The following PGM2L1 variants were observed in gnomAD, a reference collection of about 807,000 sequenced individuals.
PGM2L1 encodes the protein phosphoglucomutase 2 like 1.
In PGM2L1, 35 loss-of-function variants were observed where a neutral mutation model predicts 73.4. The ratio of observed to expected loss-of-function variants is 0.48; its 90% CI spans 0.36 to 0.63. The LOEUF (loss-of-function observed/expected upper bound fraction) is 0.63, where lower values mean the gene tolerates loss of function less well. Among genes scored for constraint, PGM2L1 ranks in the 30% least tolerant of loss-of-function variants. The probability of loss-of-function intolerance (pLI) is 0.00; values close to 1 mark genes in which losing one functional copy is unlikely to be tolerated. For synonymous variants in PGM2L1, 225 were observed against 253.8 expected (o/e 0.89, Z 1.08); for missense variants, 570 against 742.0 (o/e 0.77, Z 2.69).
intron 4 of PGM2L1, among the ~76,000 whole-genome samples, chr11:74,369,263 A>G (rs1206660533): frequency 1.3e-5 from 2 of 152,192 alleles, no homozygotes; most frequent in Non-Finnish European, 2.9e-5. Context: ...TTCTCCCAAT[A>G]ATAGACCCAC....
chr11:74,364,220 T>A (rs1370035925), intron 5 of PGM2L1, among the ~76,000 whole-genome samples: 5 of 152,144 alleles, frequency 3.3e-5, no homozygotes, highest in Non-Finnish European at 5.9e-5. Flanking sequence ...TATTTCGAAA[T>A]AATAAGAGCT....
In PGM2L1 at chr11:74,374,311, G is replaced by A. The variant is rs564865077; in HGVS notation, c.279+104C>T. On this transcript the variant is annotated intron_variant, in intron 2 of 13. Coordinates refer to ENST00000298198, the MANE Select transcript of PGM2L1 (RefSeq NM_173582.6). ...GTTGGCCAGGATGATCTCGATCTCT[G>A]GACCTCGTGATCTGCCCGCCTCAGC... 210 of 945,476 alleles carry A rather than the reference G, an allele frequency of 2.2e-4. 1 individual carries two copies. The East Asian group carries it at 4.5e-3, about 20-fold the overall frequency. 58.6% of individuals were successfully genotyped at this position (945,476 alleles called of 1,614,324 possible).
At position 74,342,430 on chromosome 11, in the gene PGM2L1, A is replaced by G. The variant is rs764265700; in HGVS notation, c.1632+31T>C. 8 of 1,401,454 alleles carry G rather than the reference A, an allele frequency of 5.7e-6. No homozygotes were observed. The Admixed American group carries it at 2.1e-4, about 37-fold the overall frequency. 86.8% of individuals were successfully genotyped at this position (1,401,454 alleles called of 1,614,324 possible). On this transcript the variant is annotated intron_variant, in intron 12 of 13. Coordinates refer to ENST00000298198, the MANE Select transcript of PGM2L1 (RefSeq NM_173582.6). ...GGTGACATGAGCCATGAAATTTTCT[A>G]AATTGTTTGGAAAAAAAAAAAGGTA...
At chr11:74,369,536 A>C (rs1862718077) in intron 4 of PGM2L1, among the ~76,000 whole-genome samples, 2 of 152,316 alleles carry the variant, frequency 1.3e-5, no homozygotes, top group Admixed American at 6.5e-5. Context: ...TCCCAGAGGA[A>C]GTGACACCAA....
At chr11:74,376,755 C>G (rs1358847716) in intron 1 of PGM2L1, among the ~76,000 whole-genome samples, 1 of 151,986 alleles carries the variant, frequency 6.6e-6, no homozygotes, top group Non-Finnish European at 1.5e-5. Context: ...ACAACCAGTA[C>G]TAACCTAATT....
At chr11:74,387,203 C>G (rs1287003333) in intron 1 of PGM2L1, among the ~76,000 whole-genome samples, 2 of 152,122 alleles carry the variant, frequency 1.3e-5, no homozygotes, top group Non-Finnish European at 2.9e-5. Flanking sequence ...ATTAATCAGC[C>G]AAGAATCAGC....
intron 3 of PGM2L1, 57 bp from the exon 4 acceptor site, chr11:74,371,043 C>T: frequency 1.4e-5 from 18 of 1,293,854 alleles, no homozygotes; most frequent in Non-Finnish European, 1.9e-5. Context: ...TAAAAACCAA[C>T]CTTCCACATA....
chr11:74,334,855 A>G lies in PGM2L1; in HGVS notation c.*1797T>C, dbSNP rs1398239399. The G allele has an allele frequency of 6.6e-6, 1 of 151,954 alleles. No homozygotes were observed. The highest frequency in any genetic ancestry group is 1.5e-5 in the Non-Finnish European group (1 of 67,998). 9.4% of individuals were successfully genotyped at this position (151,954 alleles called of 1,614,324 possible). A position where few individuals can be genotyped will look rare whatever the true frequency, so the allele number is the denominator to read the frequency against. On this transcript the variant is annotated 3_prime_UTR_variant, in exon 14 of 14. Transcript: ENST00000298198. The stretch of plus-strand genomic sequence containing the variant: ...ATGTATTCTGAGAACTATGTAGGAC[A>G]AGATACATTTTAAGAAGATTAAACA...
At chr11:74,358,982 C>T (rs965456964) in intron 5 of PGM2L1, among the ~76,000 whole-genome samples, 1 of 151,976 alleles carries the variant, frequency 6.6e-6, no homozygotes, top group Non-Finnish European at 1.5e-5. Context: ...ATGTGCACCA[C>T]AAATGCAAGC....
At chr11:74,339,369 A>G (rs1388301317) in intron 12 of PGM2L1, among the ~76,000 whole-genome samples, 1 of 152,124 alleles carries the variant, frequency 6.6e-6, no homozygotes, top group East Asian at 1.9e-4. Flanking sequence ...TAGTCCACAC[A>G]TCCGTCTGTT....
chr11:74,398,395 CTG>C lies in PGM2L1; in HGVS notation c.-236_-235del. On this transcript the variant is annotated 5_prime_UTR_variant, in exon 1 of 14. Transcript: ENST00000298198. ...AGGTCCGGGTCTCTGGGCGAAGTGACTGAGGCGGTCGCGCCGCGAGAGAACAA... is the reference window on the plus strand; with the variant it reads ...AGGTCCGGGTCTCTGGGCGAAGTGACAGGCGGTCGCGCCGCGAGAGAACAA... 1 of 519,066 alleles carries C rather than the reference CTG, an allele frequency of 1.9e-6. No individual in the cohort carries two copies. Among genetic ancestry groups the C allele is most frequent in the Non-Finnish European group, 3.0e-6 (1 of 329,940 alleles). 32.2% of individuals were successfully genotyped at this position (519,066 alleles called of 1,614,324 possible).
intron 5 of PGM2L1, chr11:74,355,528 T>G (rs1862430992): frequency 3.7e-6 from 1 of 267,538 alleles, no homozygotes; most frequent in Non-Finnish European, 6.8e-6. Flanking sequence ...CACTCCAGCC[T>G]GGGCGACAGA....
chr11:74,398,211 G>A lies in PGM2L1; in HGVS notation c.-50C>T. On this transcript the variant is annotated 5_prime_UTR_variant, in exon 1 of 14. Transcript: ENST00000298198. ...GGGGGCCGGCGAAGACACTGAGTTG[G>A]GGTGGGGGGTGGCTTGGGGTTCGCT... 1 of 1,562,312 alleles carries A rather than the reference G, an allele frequency of 6.4e-7. No homozygotes were observed. Among genetic ancestry groups the A allele is most frequent in the Non-Finnish European group, 8.7e-7 (1 of 1,153,240 alleles).
intron 5 of PGM2L1, chr11:74,354,756 A>G: frequency 9.5e-7 from 1 of 1,053,394 alleles, no homozygotes; most frequent in Non-Finnish European, 1.5e-6. Context: ...TAACTGTGAA[A>G]AAGCTATTTG....
intron 1 of PGM2L1, among the ~76,000 whole-genome samples, chr11:74,377,223 C>T (rs976533043): frequency 4.6e-5 from 7 of 151,886 alleles, no homozygotes; most frequent in African/African-American, 1.2e-4. Context: ...CAAGCTCCGC[C>T]TCCCGGGTTC....
In PGM2L1 at chr11:74,365,323, A is replaced by C. The variant is rs544824784; in HGVS notation, c.555+3169T>G. On this transcript the variant is annotated intron_variant, in intron 5 of 13. Coordinates refer to ENST00000298198, the MANE Select transcript of PGM2L1 (RefSeq NM_173582.6). ...GGCATGGGCAAGGACTTCATGTCTAAAACACCAAAAGCAATGGCAACAAAA... is the reference window on the plus strand; with the variant it reads ...GGCATGGGCAAGGACTTCATGTCTACAACACCAAAAGCAATGGCAACAAAA... 3.3e-3 allele frequency among the ~76,000 whole-genome samples: 503 copies of C among 152,128 alleles called. 2 individuals carry two copies. The highest frequency in any genetic ancestry group is 0.011 in the African/African-American group (476 of 41,546).
chr11:74,343,353 C>A lies in PGM2L1; in HGVS notation c.1282G>T (p.Glu428Ter), dbSNP rs767118518. 1.9e-6 allele frequency: 3 copies of A among 1,608,982 alleles called. No individual in the cohort carries two copies. The South Asian group carries it at 3.3e-5, about 18-fold the overall frequency. Reference sequence around the variant, plus strand: ...GACTCTTCAAATGCAAAAAGGACTTCTTTCCCATTTTCCAGGAGGTCTATT... The same window carrying A: ...GACTCTTCAAATGCAAAAAGGACTTATTTCCCATTTTCCAGGAGGTCTATT... ...RIIDLLENGK[E>*]VLFAFEESIG... The change falls in exon 10 of 14, where the codon GAA becomes TAA. Residue 428 changes from glutamate to a stop codon, truncating the protein, a stop_gained. Coordinates refer to ENST00000298198, the MANE Select transcript of PGM2L1 (RefSeq NM_173582.6). LOFTEE classifies it high-confidence loss of function.
chr11:74,359,562 T>C lies in PGM2L1; in HGVS notation c.556-7986A>G, dbSNP rs866176588. ...ATATGTGTGTATATATACACGTACA[T>C]ACATATATATATATATATACACATA... On this transcript the variant is annotated intron_variant, in intron 5 of 13. Coordinates refer to ENST00000298198, the MANE Select transcript of PGM2L1 (RefSeq NM_173582.6). Among the ~76,000 whole-genome samples the C allele has an allele frequency of 3.3e-5, 3 of 91,984 alleles. No individual in the cohort carries two copies. In the Middle Eastern group the frequency reaches 0.016, roughly 495 times the overall value. The allele number at this position is 91,984 out of a possible 152,430, so 60.3% of individuals were successfully genotyped here.
At chr11:74,346,289 A>C in intron 8 of PGM2L1, among the ~76,000 whole-genome samples, 1 of 149,332 alleles carries the variant, frequency 6.7e-6, no homozygotes, top group African/African-American at 2.5e-5. Flanking sequence ...AAAAAAAAAA[A>C]AAAAAAAGCA....
Sources: gnomAD v4.1 joint callset for allele counts (sites outside exome capture counted in the v4.1 genomes callset) on GRCh38, gnomAD v4.1.1 for gene constraint, MANE v1.5 for transcripts, NCBI Gene and HGNC (gene_info 2026-07-23, HGNC 2026-07-21) for gene names.